The following UNC93A variants were observed in gnomAD, a reference collection of about 807,000 sequenced individuals.
The protein encoded by UNC93A is unc-93 homolog A.
A neutral mutation model predicts 47.5 loss-of-function variants in UNC93A; 43 were observed. That is an observed-to-expected ratio of 0.91 (90% CI 0.71 to 1.17). UNC93A has a LOEUF of 1.17. Ranked by LOEUF, UNC93A falls within the 50% of genes most tolerant of loss-of-function variation. UNC93A has a pLI of 0.00. For missense variants in UNC93A, 605 were observed against 577.6 expected (o/e 1.05, Z -0.49); for synonymous variants, 280 against 258.0 (o/e 1.09, Z -0.82).
chr6:167,270,252 C>G (rs772735289), upstream of UNC93A, among the ~76,000 whole-genome samples: 8 of 152,144 alleles, frequency 5.3e-5, no homozygotes, highest in Non-Finnish European at 1.0e-4. Flanking sequence ...ATGGCACATA[C>G]CTGTTAATGG....
upstream of UNC93A, among the ~76,000 whole-genome samples, chr6:167,286,829 T>C (rs1783742756): frequency 6.6e-6 from 1 of 151,648 alleles, no homozygotes; most frequent in Non-Finnish European, 1.5e-5. Context: ...ATACAAAAAA[T>C]TAGCTGGGTG....
intron 3 of UNC93A, 126 bp downstream of exon 3, chr6:167,296,387 CCA>C: frequency 1.0e-6 from 1 of 1,002,090 alleles, no homozygotes; most frequent in Non-Finnish European, 1.5e-6. Flanking sequence ...GAGTCAGGCC[CCA>C]CAGGTGAGAT....
chr6:167,307,269 G>A lies in UNC93A; in HGVS notation c.977-510G>A, dbSNP rs3817766. ...TGAGGCTGCGGGTCACGCAGCAGGT[G>A]TATGGTGCAGAGCATTGATTTAGAG... On this transcript the variant is annotated intron_variant, in intron 6 of 7. Coordinates refer to ENST00000230256, the MANE Select transcript of UNC93A (RefSeq NM_018974.4). Among the ~76,000 whole-genome samples the A allele has an allele frequency of 6.4e-3, 975 of 152,312 alleles. 23 individuals carry two copies. In the East Asian group the frequency reaches 0.067, roughly 10 times the overall value.
chr6:167,302,685 G>A (rs534992490), intron 4 of UNC93A, among the ~76,000 whole-genome samples: 2 of 152,296 alleles, frequency 1.3e-5, no homozygotes, highest in Non-Finnish European at 2.9e-5. Flanking sequence ...TTATGAGAAA[G>A]TACAGGATGT....
At chr6:167,301,996 C>G (rs12662479) in intron 4 of UNC93A, among the ~76,000 whole-genome samples, 1 of 151,944 alleles carries the variant, frequency 6.6e-6, no homozygotes, top group Non-Finnish European at 1.5e-5. Flanking sequence ...TGCTTTCATA[C>G]GAAATTTCAC....
chr6:167,303,886 AT>A, intron 4 of UNC93A, 32 bp from the exon 5 acceptor site: 1 of 1,610,660 alleles, frequency 6.2e-7, no homozygotes. Flanking sequence ...CTGGGCCCCC[AT>A]GAAAGCTGAA....
At chr6:167,293,628 G>A (rs1583072703) in intron 1 of UNC93A, among the ~76,000 whole-genome samples, 1 of 152,142 alleles carries the variant, frequency 6.6e-6, no homozygotes, top group Admixed American at 6.5e-5. Flanking sequence ...CCCCAACAAG[G>A]CACATGCATC....
At chr6:167,299,131 TACAC>T (rs60853250) in intron 4 of UNC93A, among the ~76,000 whole-genome samples, 5,474 of 136,344 alleles carry the variant, frequency 0.04, 441 homozygotes, top group African/African-American at 0.13. Context: ...AAAAAAAAAA[TACAC>T]ACACACACAC....
chr6:167,299,204 A>G (rs2346121), intron 4 of UNC93A, among the ~76,000 whole-genome samples: 7 of 40,502 alleles, frequency 1.7e-4, no homozygotes, highest in East Asian at 3.8e-3. Context: ...TTCTATATGT[A>G]TATATATATA....
At chr6:167,286,404 T>G (rs1783733491), upstream of UNC93A, among the ~76,000 whole-genome samples, 1 of 152,222 alleles carries the variant, frequency 6.6e-6, no homozygotes, top group Non-Finnish European at 1.5e-5. Context: ...GCATCGTAGC[T>G]GGAAACAAAC....
upstream of UNC93A, among the ~76,000 whole-genome samples, chr6:167,269,069 G>C (rs532949323): frequency 1.1e-4 from 17 of 152,348 alleles, no homozygotes; most frequent in Non-Finnish European, 2.4e-4. Flanking sequence ...AGCAGCTGGA[G>C]GGGCCCCAAT....
intron 1 of UNC93A, among the ~76,000 whole-genome samples, chr6:167,272,505 C>T (rs972972215): frequency 6.6e-6 from 1 of 152,226 alleles, no homozygotes; most frequent in Non-Finnish European, 1.5e-5. Flanking sequence ...TGACACAACC[C>T]TCAGGAGGTC....
At chr6:167,291,030 C>T (rs1053672602), upstream of UNC93A, among the ~76,000 whole-genome samples, 2 of 152,124 alleles carry the variant, frequency 1.3e-5, no homozygotes, top group South Asian at 4.1e-4. Context: ...GACATTTATG[C>T]TTTGTTCTTT....
rs761530794 is a variant in UNC93A, at chr6:167,315,276, G to A, written c.1198G>A (p.Gly400Arg). 20 of 1,613,114 alleles carry A rather than the reference G, an allele frequency of 1.2e-5. No homozygotes were observed. The Middle Eastern group carries it at 5.0e-4, about 40-fold the overall frequency. Residue 400 changes from glycine (G) to arginine (R), a missense_variant, in exon 8 of 8, where the codon GGG (glycine) becomes AGG (arginine). Physicochemically the swap from Gly to Arg is moderately radical, Grantham distance 125 (BLOSUM62 -2). Coordinates refer to ENST00000230256, the MANE Select transcript of UNC93A (RefSeq NM_018974.4). ...WEALGFVIAF[G>R]YSMFLCVHVK... Reference sequence around the variant, plus strand: ...GGCCCTGGGCTTCGTCATTGCCTTCGGGTACAGCATGTTTTTGTGCGTGCA... The same window carrying A: ...GGCCCTGGGCTTCGTCATTGCCTTCAGGTACAGCATGTTTTTGTGCGTGCA...
At chr6:167,299,179 T>C (rs1778173733) in intron 4 of UNC93A, among the ~76,000 whole-genome samples, 1 of 138,426 alleles carries the variant, frequency 7.2e-6, no homozygotes, top group Non-Finnish European at 1.5e-5. Flanking sequence ...TACATATACA[T>C]ATACACGTAT....
intron 1 of UNC93A, among the ~76,000 whole-genome samples, chr6:167,284,302 AGTTGCGT>A (rs1783683736): frequency 6.6e-6 from 1 of 151,812 alleles, no homozygotes; most frequent in Non-Finnish European, 1.5e-5. Flanking sequence ...CAATGATAAC[AGTTGCGT>A]GAGCTTCTAG....
intron 1 of UNC93A, among the ~76,000 whole-genome samples, chr6:167,278,345 G>A (rs1783576994): frequency 2.0e-5 from 3 of 152,162 alleles, no homozygotes; most frequent in Non-Finnish European, 1.5e-5. Flanking sequence ...CAACTCGGGT[G>A]TCCCCAGGGC....
chr6:167,304,609 T>C (rs1374583454), intron 5 of UNC93A, among the ~76,000 whole-genome samples: 6 of 152,126 alleles, frequency 3.9e-5, no homozygotes, highest in African/African-American at 1.4e-4. Flanking sequence ...ACACTCTTGT[T>C]GCCCAGGCTG....
chr6:167,279,142 G>T (rs1012957582), intron 1 of UNC93A, among the ~76,000 whole-genome samples: 1 of 152,196 alleles, frequency 6.6e-6, no homozygotes, highest in Non-Finnish European at 1.5e-5. Context: ...GTGTTAAAAA[G>T]AATGTGTTTC....
Sources: gnomAD v4.1 joint callset for allele counts (sites outside exome capture counted in the v4.1 genomes callset) on GRCh38, gnomAD v4.1.1 for gene constraint, MANE v1.5 for transcripts, NCBI Gene and HGNC (gene_info 2026-07-23, HGNC 2026-07-21) for gene names.